TCF4: variants seen among roughly 807,000 people sequenced by gnomAD.
The protein encoded by TCF4 is SL3-3 enhancer factor 2.
Under a neutral mutation model 82.1 loss-of-function variants are expected in TCF4, and 3 were observed. The observed-to-expected ratio is 0.04, with a 90% CI of 0.02 to 0.09. The LOEUF (loss-of-function observed/expected upper bound fraction) is 0.09. Ranked by LOEUF, TCF4 falls within the 10% of genes least tolerant of loss-of-function variation. The pLI is 1.00. For missense variants in TCF4, 518 were observed against 852.7 expected (o/e 0.61, Z 4.89); for synonymous variants, 276 against 309.6 (o/e 0.89, Z 1.14).
intron 8 of TCF4, among the ~76,000 whole-genome samples, chr18:55,308,255 G>A (rs946328702): frequency 6.6e-6 from 1 of 152,174 alleles, no homozygotes; most frequent in Non-Finnish European, 1.5e-5. Flanking sequence ...GATTATGTGA[G>A]TAAATACATA....
intron 3 of TCF4, among the ~76,000 whole-genome samples, chr18:55,527,302 G>C (rs996331305): frequency 8.5e-5 from 13 of 152,176 alleles, no homozygotes; most frequent in African/African-American, 2.9e-4. Flanking sequence ...ATCTAAATCA[G>C]GTGAGCAGAG....
At chr18:55,505,340 T>A (rs2096742631) in intron 3 of TCF4, among the ~76,000 whole-genome samples, 1 of 152,218 alleles carries the variant, frequency 6.6e-6, no homozygotes, top group Non-Finnish European at 1.5e-5. Flanking sequence ...ATTATTATAT[T>A]ACTATCAACA....
chr18:55,557,905 A>G (rs1027871274), intron 3 of TCF4, among the ~76,000 whole-genome samples: 3 of 152,172 alleles, frequency 2.0e-5, no homozygotes, highest in African/African-American at 7.2e-5. Flanking sequence ...AATCACATGG[A>G]GTGGGAATAT....
intron 2 of TCF4, among the ~76,000 whole-genome samples, chr18:55,618,657 T>C (rs1469296781): frequency 1.3e-5 from 2 of 152,090 alleles, no homozygotes; most frequent in East Asian, 1.9e-4. Flanking sequence ...GCACAGCTCA[T>C]TGCAGCCTTG....
intron 3 of TCF4, among the ~76,000 whole-genome samples, chr18:55,573,489 T>A (rs1276266837): frequency 1.3e-5 from 2 of 152,170 alleles, no homozygotes; most frequent in Non-Finnish European, 2.9e-5. Flanking sequence ...GTGACTCCCC[T>A]TTGGGTCCAT....
At chr18:55,412,683 A>G (rs923988248) in intron 5 of TCF4, among the ~76,000 whole-genome samples, 1 of 152,174 alleles carries the variant, frequency 6.6e-6, no homozygotes, top group Non-Finnish European at 1.5e-5. Flanking sequence ...GATGGGTGAC[A>G]TTTCTGGCTG....
intron 8 of TCF4, among the ~76,000 whole-genome samples, chr18:55,340,640 C>T (rs1333905418): frequency 1.3e-5 from 2 of 150,764 alleles, no homozygotes; most frequent in Non-Finnish European, 3.0e-5. Flanking sequence ...CAAGTGACCT[C>T]TGTTAGGTAA....
intron 3 of TCF4, among the ~76,000 whole-genome samples, chr18:55,470,465 T>C (rs2096149944): frequency 6.6e-6 from 1 of 152,234 alleles, no homozygotes; most frequent in African/African-American, 2.4e-5. Context: ...AGTGGCTTAG[T>C]TTACCATTAG....
intron 3 of TCF4, among the ~76,000 whole-genome samples, chr18:55,515,554 T>C (rs550201641): frequency 1.4e-4 from 21 of 152,248 alleles, no homozygotes; most frequent in South Asian, 8.3e-4. Context: ...GAGGTAGACA[T>C]GAGCTGAGTT....
chr18:55,419,227 A>G (rs2094636426), intron 5 of TCF4, among the ~76,000 whole-genome samples: 1 of 152,228 alleles, frequency 6.6e-6, no homozygotes, highest in Non-Finnish European at 1.5e-5. Flanking sequence ...GAAAATGCCT[A>G]CATTAAACTC....
At chr18:55,300,013 T>G (rs2067668917) in intron 8 of TCF4, among the ~76,000 whole-genome samples, 1 of 152,004 alleles carries the variant, frequency 6.6e-6, no homozygotes, top group South Asian at 2.1e-4. Context: ...AGAACTCCTA[T>G]CCATTATCAT....
intron 13 of TCF4, 107 bp from the exon 14 acceptor site, chr18:55,257,498 A>C: frequency 9.2e-7 from 1 of 1,084,004 alleles, no homozygotes; most frequent in Non-Finnish European, 1.4e-6. Context: ...GATGATTTTC[A>C]TTTAAACAAC....
chr18:55,497,788 G>A (rs1351005723), intron 3 of TCF4, among the ~76,000 whole-genome samples: 2 of 151,964 alleles, frequency 1.3e-5, no homozygotes, highest in Non-Finnish European at 2.9e-5. Context: ...GTGAATGAGA[G>A]AACAGAAATC....
Position 55,349,953 on chromosome 18 carries a change from C to A in TCF4, c.549+406G>T, listed in dbSNP as rs962649130. 3.9e-5 allele frequency among the ~76,000 whole-genome samples: 6 copies of A among 152,236 alleles called. No homozygotes were observed. The South Asian group carries it at 1.0e-3, about 26-fold the overall frequency. On this transcript the variant is annotated intron_variant, in intron 8 of 19. Coordinates refer to ENST00000354452, the MANE Select transcript of TCF4 (RefSeq NM_001083962.2). ...ATTCTTCCTGCACTCTGGGCTGAAA[C>A]CCATGTAAATTTTTCCTAAATCCTC... is the stretch of plus-strand genomic sequence containing the variant.
chr18:55,295,562 G>A (rs956703154), intron 8 of TCF4, among the ~76,000 whole-genome samples: 6 of 152,084 alleles, frequency 3.9e-5, no homozygotes, highest in African/African-American at 1.4e-4. Context: ...AAGTTTTCCA[G>A]GTCCTCCTAT....
At chr18:55,498,635 T>C (rs1057195837) in intron 3 of TCF4, among the ~76,000 whole-genome samples, 1 of 152,108 alleles carries the variant, frequency 6.6e-6, no homozygotes, top group African/African-American at 2.4e-5. Flanking sequence ...TGAAGAGAAA[T>C]GGCTGCTGAC....
chr18:55,295,386 G>A (rs1036601962), intron 8 of TCF4, among the ~76,000 whole-genome samples: 1 of 152,140 alleles, frequency 6.6e-6, no homozygotes, highest in Non-Finnish European at 1.5e-5. Context: ...TGCAATGCCT[G>A]TTCTCCACTT....
At chr18:55,305,470 A>G (rs577958763) in intron 8 of TCF4, among the ~76,000 whole-genome samples, 1 of 152,266 alleles carries the variant, frequency 6.6e-6, no homozygotes, top group East Asian at 1.9e-4. Flanking sequence ...ATCTATTTAA[A>G]CCTAATCTAT....
intron 2 of TCF4, among the ~76,000 whole-genome samples, chr18:55,609,879 CTTTG>C (rs2097705527): frequency 1.3e-5 from 2 of 151,080 alleles, no homozygotes; most frequent in African/African-American, 4.8e-5. Flanking sequence ...TCCCTAGTTA[CTTTG>C]TTTGATATCA....
Sources: allele counts gnomAD v4.1 joint callset (sites outside exome capture counted in the v4.1 genomes callset), GRCh38; gene constraint gnomAD v4.1.1; transcripts MANE v1.5; gene names NCBI Gene and HGNC (gene_info 2026-07-23, HGNC 2026-07-21).